NIBAN2: variants seen among roughly 807,000 people sequenced by gnomAD.
NIBAN2 encodes the protein niban apoptosis regulator 2, also known as protein Niban 2.
In NIBAN2, 36 loss-of-function variants were observed where a neutral mutation model predicts 81.8. That is an observed-to-expected ratio of 0.44 (90% CI 0.34 to 0.58). The LOEUF (loss-of-function observed/expected upper bound fraction) is 0.58, where lower values mean the gene tolerates loss of function less well. NIBAN2 is among the 20% of genes least tolerant of loss of function. NIBAN2 has a pLI of 0.02. For synonymous variants in NIBAN2, 445 were observed against 441.6 expected (o/e 1.01, Z -0.10); for missense variants, 897 against 1,014.1 (o/e 0.88, Z 1.57).
intron 1 of NIBAN2, among the ~76,000 whole-genome samples, chr9:127,550,565 G>C (rs1353741870): frequency 6.6e-6 from 1 of 152,186 alleles, no homozygotes; most frequent in Non-Finnish European, 1.5e-5. Context: ...CCCTGACTAT[G>C]TGACATTAGA....
intron 1 of NIBAN2, among the ~76,000 whole-genome samples, chr9:127,551,532 T>C (rs911394789): frequency 9.6e-5 from 14 of 145,902 alleles, no homozygotes; most frequent in African/African-American, 3.6e-4. Context: ...CAAAAATAAA[T>C]AAATAAAAAT....
At chr9:127,540,128 G>A (rs1454941833) in intron 1 of NIBAN2, among the ~76,000 whole-genome samples, 1 of 152,148 alleles carries the variant, frequency 6.6e-6, no homozygotes, top group Non-Finnish European at 1.5e-5. Context: ...CCCACCCTGG[G>A]ACCAGCTCCA....
chr9:127,556,189 T>A (rs1430722715), intron 1 of NIBAN2, among the ~76,000 whole-genome samples: 1 of 152,180 alleles, frequency 6.6e-6, no homozygotes, highest in South Asian at 2.1e-4. Flanking sequence ...AGCCAGTGAG[T>A]CACGCTTCGA....
chr9:127,537,651 G>C (rs543846783), intron 1 of NIBAN2, among the ~76,000 whole-genome samples: 5 of 152,244 alleles, frequency 3.3e-5, no homozygotes, highest in African/African-American at 1.2e-4. Flanking sequence ...CCCCCTTTTC[G>C]CTTTCTGCCA....
intron 8 of NIBAN2, among the ~76,000 whole-genome samples, chr9:127,516,530 C>T (rs780606754): frequency 3.0e-4 from 46 of 152,142 alleles, no homozygotes; most frequent in Non-Finnish European, 1.0e-4. Flanking sequence ...GCCTGGGTGA[C>T]AGAATAAACT....
intron 1 of NIBAN2, among the ~76,000 whole-genome samples, chr9:127,547,880 T>TC (rs1564313518): frequency 6.6e-6 from 1 of 151,972 alleles, no homozygotes; most frequent in African/African-American, 2.4e-5. Context: ...AACTTTACGA[T>TC]CCCCCATCTT....
intron 2 of NIBAN2, among the ~76,000 whole-genome samples, chr9:127,528,308 T>C (rs138531300): frequency 5.8e-4 from 89 of 152,292 alleles, no homozygotes; most frequent in South Asian, 2.5e-3. Context: ...TGGAAGGAGA[T>C]AGACCACAGT....
chr9:127,523,794 G>T lies in NIBAN2; in HGVS notation c.474C>A (p.Phe158Leu). ...SAPILKCPTQ[F>L]PLILWHPYAR... is the part of the protein sequence containing the mutation. Reference sequence around the variant, plus strand: ...CATAAGGATGCCAGAGGATGAGCGGGAACTGTGTGGGGCACTTGAGGATGG... The same window carrying T: ...CATAAGGATGCCAGAGGATGAGCGGTAACTGTGTGGGGCACTTGAGGATGG... Residue 158 changes from phenylalanine to leucine, a missense_variant, in exon 5 of 14, where the codon TTC becomes TTA. Around this residue, in one of 3 missense-constraint regions of NIBAN2, gnomAD observed 69 missense variants for 114.7 expected, o/e 0.60. Coordinates refer to ENST00000373312, the MANE Select transcript of NIBAN2 (RefSeq NM_022833.4). 1 of 1,614,046 alleles carries T rather than the reference G, an allele frequency of 6.2e-7. No individual in the cohort carries two copies. Among genetic ancestry groups the T allele is most frequent in the Non-Finnish European group, 8.5e-7 (1 of 1,179,962 alleles).
Position 127,554,548 on chromosome 9 carries a change from C to CTTTTTTTTTTTTTTT in NIBAN2, c.55+14257_55+14271dup, listed in dbSNP as rs1230242603. On this transcript the variant is annotated intron_variant, in intron 1 of 13. Transcript: ENST00000373312. ...GGGTTATTCTTTTCTTTTTCTTTTT[C>CTTTTTTTTTTTTTTT]TTTTTTTTTTTTTTTTTTTTTTTGC... Among the ~76,000 whole-genome samples, 241 of 103,698 alleles carry CTTTTTTTTTTTTTTT rather than the reference C, an allele frequency of 2.3e-3. 2 individuals are homozygous for CTTTTTTTTTTTTTTT. The highest frequency in any genetic ancestry group is 3.1e-3 in the African/African-American group (84 of 26,918). The allele number at this position is 103,698 out of a possible 152,430, so 68.0% of individuals were successfully genotyped here. A position where few individuals can be genotyped will look rare whatever the true frequency, so the allele number is the denominator to read the frequency against.
intron 4 of NIBAN2, among the ~76,000 whole-genome samples, chr9:127,524,184 T>C (rs76426302): frequency 6.0e-4 from 92 of 152,318 alleles, no homozygotes; most frequent in African/African-American, 2.2e-3. Flanking sequence ...AAGCACTACC[T>C]TCTTGGGTTT....
At chr9:127,542,109 C>A (rs574449388) in intron 1 of NIBAN2, among the ~76,000 whole-genome samples, 5 of 152,216 alleles carry the variant, frequency 3.3e-5, no homozygotes, top group South Asian at 2.1e-4. Flanking sequence ...AGTTGCCCAA[C>A]GTTTCCTGGC....
chr9:127,544,932 C>T (rs1837443457), intron 1 of NIBAN2, among the ~76,000 whole-genome samples: 1 of 152,232 alleles, frequency 6.6e-6, no homozygotes, highest in South Asian at 2.1e-4. Context: ...CAAGTCCAAA[C>T]TATCTTTTGG....
chr9:127,569,819 G>A (rs1021562782), upstream of NIBAN2, among the ~76,000 whole-genome samples: 2 of 152,240 alleles, frequency 1.3e-5, no homozygotes, highest in African/African-American at 4.8e-5. Flanking sequence ...CATTTCACTC[G>A]GGAGGCGGCT....
At chr9:127,514,833 G>A (rs189517414) in intron 8 of NIBAN2, among the ~76,000 whole-genome samples, 2 of 152,290 alleles carry the variant, frequency 1.3e-5, no homozygotes, top group Admixed American at 6.5e-5. Context: ...GTCCTATCCA[G>A]CTGTCAACCA....
Position 127,517,018 on chromosome 9 carries a change from A to G in NIBAN2, c.812T>C (p.Ile271Thr). ...CACCATGTGGTACACGGCGTCCGAG[A>G]TCTGTGGGCAGAGCAGCTGAATTGG... ...PQERQRQWIQ[I>T]SDAVYHMVYE... is the part of the protein sequence containing the mutation. Residue 271 changes from isoleucine (I) to threonine (T), a missense_variant and splice_region_variant, in exon 8 of 14, where the codon ATC (isoleucine) becomes ACC (threonine). This residue lies in a region of NIBAN2 where 619 missense variants were observed against 691.0 expected (regional missense o/e 0.90). Transcript: ENST00000373312. The surrounding 1 kb of genome is among the most constrained non-coding windows in gnomAD (Gnocchi z 4.0). The G allele has an allele frequency of 6.2e-7, 1 of 1,613,034 alleles. No homozygotes were observed. The highest frequency in any genetic ancestry group is 8.5e-7 in the Non-Finnish European group (1 of 1,179,384).
Position 127,563,152 on chromosome 9 carries a change from G to A in NIBAN2, c.55+5668C>T, listed in dbSNP as rs1217420028. 1.3e-5 allele frequency among the ~76,000 whole-genome samples: 2 copies of A among 152,188 alleles called. No individual in the cohort carries two copies. Among genetic ancestry groups the A allele is most frequent in the East Asian group, 1.9e-4 (1 of 5,192 alleles). On this transcript the variant is annotated intron_variant, in intron 1 of 13. Coordinates refer to ENST00000373312, the MANE Select transcript of NIBAN2 (RefSeq NM_022833.4). The surrounding 1 kb of genome is among the most constrained non-coding windows in gnomAD (Gnocchi z 4.1). ...GTGTGTGGGAAGGACTAGAGGCTCC[G>A]AGGAGGCTGGAGCAGCTCTGAGTAG...
chr9:127,541,508 CTGGCCTCCGCAGCACCAGCCTGTGGG>C (rs1837378890), intron 1 of NIBAN2, among the ~76,000 whole-genome samples: 1 of 152,224 alleles, frequency 6.6e-6, no homozygotes, highest in Non-Finnish European at 1.5e-5. Context: ...CCATCTCACC[CTGGCCTCCGCAGCACCAGCCTGTGGG>C]TGGCCTCCAC....
chr9:127,506,269 C>G lies in NIBAN2; in HGVS notation c.*576G>C, dbSNP rs566293978. 1 of 153,016 alleles carries G rather than the reference C, an allele frequency of 6.5e-6. No homozygotes were observed. Among genetic ancestry groups the G allele is most frequent in the South Asian group, 2.1e-4 (1 of 4,848 alleles). 9.5% of individuals were successfully genotyped at this position (153,016 alleles called of 1,614,324 possible). A position where few individuals can be genotyped will look rare whatever the true frequency, so the allele number is the denominator to read the frequency against. On this transcript the variant is annotated 3_prime_UTR_variant, in exon 14 of 14. Transcript: ENST00000373312. The stretch of plus-strand genomic sequence containing the variant: ...GGCCTGCCCACCCCATGAGGCACCC[C>G]CTAAATCTCATCTCTCCACCCAGCA...
intron 1 of NIBAN2, among the ~76,000 whole-genome samples, chr9:127,540,263 C>T (rs1219673690): frequency 2.0e-5 from 3 of 152,158 alleles, no homozygotes; most frequent in East Asian, 3.9e-4. Flanking sequence ...CCCAGGGTGG[C>T]CTGGAGGCTT....
Sources: gnomAD v4.1 joint callset for allele counts (sites outside exome capture counted in the v4.1 genomes callset) on GRCh38, gnomAD v4.1.1 for gene constraint, gnomAD v4.1.1 regional missense constraint, Gnocchi (gnomAD v3.1) non-coding constraint, MANE v1.5 for transcripts, NCBI Gene and HGNC (gene_info 2026-07-23, HGNC 2026-07-21) for gene names.